The following PRIM2 variants were observed in gnomAD, a reference collection of about 807,000 sequenced individuals.
PRIM2 encodes DNA primase large subunit.
PRIM2 carries 39 observed loss-of-function variants against 67.3 expected under a neutral mutation model. The ratio of observed to expected loss-of-function variants is 0.58; its 90% CI spans 0.45 to 0.76. The LOEUF (loss-of-function observed/expected upper bound fraction) is 0.76, where lower values mean the gene tolerates loss of function less well. Ranked by LOEUF, PRIM2 falls within the 30% of genes least tolerant of loss-of-function variation. The probability of loss-of-function intolerance (pLI) is 0.00; values close to 1 mark genes in which losing one functional copy is unlikely to be tolerated. For missense variants in PRIM2, 398 were observed against 598.7 expected (o/e 0.66, Z 3.50); for synonymous variants, 143 against 198.7 (o/e 0.72, Z 2.36).
At chr6:57,559,602 T>A (rs1775589437) in intron 10 of PRIM2, among the ~76,000 whole-genome samples, 1 of 152,140 alleles carries the variant, frequency 6.6e-6, no homozygotes, top group Non-Finnish European at 1.5e-5. Context: ...ACGGGATAGA[T>A]CCTAGACAAC....
At chr6:57,229,520 C>T in the PRIM2 span, among the ~76,000 whole-genome samples, 1 of 151,412 alleles carries the variant, frequency 6.6e-6, no homozygotes, top group Non-Finnish European at 1.5e-5. Flanking sequence ...CTGAATCTCG[C>T]TCTGTTGCCC....
In PRIM2 at chr6:57,606,448, G is replaced by A. The variant is rs1167709151; in HGVS notation, c.1221G>A (p.Gly407=). The change falls in exon 12 of 14, where the codon GGG becomes GGA. Residue 407 remains glycine, a synonymous_variant. Coordinates refer to ENST00000615550, the MANE Select transcript of PRIM2 (RefSeq NM_000947.5). ...KLQSYKISPG[G]ISQILDLVKG... Reference sequence around the variant, plus strand: ...AGTCATACAAGATCTCTCCTGGAGGGATAAGCCAGGTAGGTCATATTCTTC... The same window carrying A: ...AGTCATACAAGATCTCTCCTGGAGGAATAAGCCAGGTAGGTCATATTCTTC... 4.4e-6 allele frequency: 7 copies of A among 1,582,092 alleles called. No homozygotes were observed. The highest frequency in any genetic ancestry group is 6.1e-6 in the Non-Finnish European group (7 of 1,156,900).
At chr6:57,641,365 C>T (rs1396620564) in intron 13 of PRIM2, among the ~76,000 whole-genome samples, 1 of 152,044 alleles carries the variant, frequency 6.6e-6, no homozygotes, top group Non-Finnish European at 1.5e-5. Flanking sequence ...AAAGCAACGG[C>T]AACAAAAGCC....
chr6:57,583,535 A>G (rs1776136487), intron 10 of PRIM2, among the ~76,000 whole-genome samples: 1 of 151,892 alleles, frequency 6.6e-6, no homozygotes, highest in African/African-American at 2.4e-5. Flanking sequence ...ATAGTATTCC[A>G]TGGTGTATAT....
chr6:57,613,872 A>T (rs1273784258), intron 12 of PRIM2, among the ~76,000 whole-genome samples: 5 of 151,890 alleles, frequency 3.3e-5, no homozygotes, highest in African/African-American at 1.2e-4. Flanking sequence ...ATTTTTTGAG[A>T]CAGAGTTTCG....
chr6:57,348,985 T>A (rs1768771256), intron 5 of PRIM2, among the ~76,000 whole-genome samples: 1 of 152,072 alleles, frequency 6.6e-6, no homozygotes, highest in Admixed American at 6.6e-5. Flanking sequence ...GACCTGGTGA[T>A]CTGCCTGCTT....
At chr6:57,258,264 G>A in the PRIM2 span, among the ~76,000 whole-genome samples, 1 of 151,992 alleles carries the variant, frequency 6.6e-6, no homozygotes, top group African/African-American at 2.4e-5. Flanking sequence ...TTAGAACCAT[G>A]GCTTGAACCC....
intron 5 of PRIM2, among the ~76,000 whole-genome samples, chr6:57,326,893 CTTTTTTTT>C (rs70989764): frequency 0.15 from 19,673 of 130,416 alleles, 1,291 homozygotes; most frequent in Non-Finnish European, 0.18. Context: ...GAATTTGTAT[CTTTTTTTT>C]TTTTTTTTTT....
intron 7 of PRIM2, among the ~76,000 whole-genome samples, chr6:57,408,393 A>C (rs539565707): frequency 6.6e-6 from 1 of 152,212 alleles, no homozygotes; most frequent in Non-Finnish European, 1.5e-5. Flanking sequence ...TCTGATTTGC[A>C]TATGGCTCAG....
intron 10 of PRIM2, among the ~76,000 whole-genome samples, chr6:57,589,271 G>A (rs1231422891): frequency 0.01 from 1,551 of 152,214 alleles, 28 homozygotes; most frequent in African/African-American, 0.034. Context: ...GTGATAGGAT[G>A]CAATTCAGGC....
chr6:57,545,802 A>G (rs1431562591), intron 10 of PRIM2, among the ~76,000 whole-genome samples: 1 of 152,226 alleles, frequency 6.6e-6, no homozygotes, highest in Non-Finnish European at 1.5e-5. Context: ...ATACAAATGT[A>G]CAGACAGAGA....
intron 7 of PRIM2, among the ~76,000 whole-genome samples, chr6:57,456,154 C>T (rs866988214): frequency 7.9e-5 from 12 of 152,106 alleles, no homozygotes; most frequent in South Asian, 2.1e-4. Context: ...CCGAGAGATC[C>T]GCTGTTAGTC....
At chr6:57,594,466 A>C (rs1776332670) in intron 10 of PRIM2, among the ~76,000 whole-genome samples, 1 of 152,244 alleles carries the variant, frequency 6.6e-6, no homozygotes, top group Non-Finnish European at 1.5e-5. Context: ...CATATAGATC[A>C]GTGGGGTCCA....
At chr6:57,359,684 T>G (rs1033098691) in intron 5 of PRIM2, among the ~76,000 whole-genome samples, 2 of 152,202 alleles carry the variant, frequency 1.3e-5, no homozygotes, top group East Asian at 1.9e-4. Flanking sequence ...TCAAAACAAC[T>G]GTACTATGAT....
At chr6:57,479,956 G>C (rs1461267836) in intron 7 of PRIM2, among the ~76,000 whole-genome samples, 1 of 152,236 alleles carries the variant, frequency 6.6e-6, no homozygotes, top group Non-Finnish European at 1.5e-5. Context: ...GGAAAGGAGA[G>C]AGAATGTCTG....
At chr6:57,399,784 A>T (rs1332924079) in intron 7 of PRIM2, among the ~76,000 whole-genome samples, 1 of 151,810 alleles carries the variant, frequency 6.6e-6, no homozygotes, top group East Asian at 1.9e-4. Context: ...TATTTCTCTG[A>T]TGGCCAGTGA....
intron 8 of PRIM2, among the ~76,000 whole-genome samples, chr6:57,518,011 C>A (rs1774521857): frequency 2.0e-5 from 3 of 152,068 alleles, no homozygotes; most frequent in African/African-American, 7.2e-5. Context: ...ACCAATTAAC[C>A]TTTATTTACT....
chr6:57,294,265 A>G, the PRIM2 span, among the ~76,000 whole-genome samples: 6 of 152,158 alleles, frequency 3.9e-5, no homozygotes. Context: ...GGATCACATG[A>G]GGCCAGGAGT....
At chr6:57,453,380 A>C (rs1257103496) in intron 7 of PRIM2, among the ~76,000 whole-genome samples, 3,387 of 152,224 alleles carry the variant, frequency 0.022, 105 homozygotes, top group South Asian at 0.071. Context: ...CTTGGGCAGT[A>C]TGGCCATTTT....
Sources: gnomAD v4.1 joint callset for allele counts (sites outside exome capture counted in the v4.1 genomes callset) on GRCh38, gnomAD v4.1.1 for gene constraint, MANE v1.5 for transcripts, NCBI Gene and HGNC (gene_info 2026-07-23, HGNC 2026-07-21) for gene names.